The following UGT1A6 variants were observed in gnomAD, a reference collection of about 807,000 sequenced individuals.
UGT1A6 encodes the protein UDP glucuronosyltransferase family 1 member A6.
A neutral mutation model predicts 44.4 loss-of-function variants in UGT1A6; 32 were observed. That is an observed-to-expected ratio of 0.72 (90% CI 0.54 to 0.97). The LOEUF (loss-of-function observed/expected upper bound fraction) is 0.97. Ranked by LOEUF, UGT1A6 falls within the 50% of genes least tolerant of loss-of-function variation. The pLI is 0.00. For missense variants in UGT1A6, 685 were observed against 661.9 expected, an observed-to-expected ratio of 1.03 and a Z score of -0.38; for synonymous variants, 238 against 248.5, an observed-to-expected ratio of 0.96 and a Z score of 0.40.
chr2:233,760,123 C>T, intron 1 of UGT1A6: 1 of 1,299,838 alleles, frequency 7.7e-7, no homozygotes, highest in East Asian at 2.5e-5. Context: ...AATAAAGCTC[C>T]ACCTTCTTTA....
intron 3 of UGT1A6, 132 bp downstream of exon 3, chr2:233,768,068 A>C: frequency 6.3e-7 from 1 of 1,596,810 alleles, no homozygotes; most frequent in African/African-American, 1.3e-5. Flanking sequence ...CTTTTTATCT[A>C]GTGGGGTATC....
At chr2:233,712,639 C>T (rs184142486) in intron 1 of UGT1A6, among the ~76,000 whole-genome samples, 30 of 152,228 alleles carry the variant, frequency 2.0e-4, no homozygotes, top group Non-Finnish European at 2.4e-4. Flanking sequence ...TCAGCTGCAG[C>T]CTGATAAACG....
intron 1 of UGT1A6, chr2:233,713,679 C>T (rs756343791): frequency 6.2e-7 from 1 of 1,613,972 alleles, no homozygotes; most frequent in Non-Finnish European, 8.5e-7. Flanking sequence ...TGTTTCTGCT[C>T]CTTATGCAAG....
intron 1 of UGT1A6, among the ~76,000 whole-genome samples, chr2:233,762,398 T>G (rs969226920): frequency 6.6e-6 from 1 of 152,192 alleles, no homozygotes; most frequent in Non-Finnish European, 1.5e-5. Flanking sequence ...TATGTAAAAT[T>G]TTTTGGTTGC....
chr2:233,717,187 C>T (rs922401746), intron 1 of UGT1A6, among the ~76,000 whole-genome samples: 12 of 152,214 alleles, frequency 7.9e-5, no homozygotes, highest in Admixed American at 2.6e-4. Flanking sequence ...AGCACCCTCC[C>T]AGGCATGTTC....
chr2:233,725,175 TG>T (rs1374547834), intron 1 of UGT1A6, among the ~76,000 whole-genome samples: 1 of 81,962 alleles, frequency 1.2e-5, no homozygotes, highest in Non-Finnish European at 2.2e-5. Context: ...AGGGAGACCG[TG>T]GGGAGAGGCA....
chr2:233,760,816 T>C (rs72551342), intron 1 of UGT1A6: 3 of 1,613,644 alleles, frequency 1.9e-6, no homozygotes, highest in South Asian at 1.1e-5. Flanking sequence ...TGCACTGCCA[T>C]GCAGCCTGGA....
At chr2:233,719,149 A>T in intron 1 of UGT1A6, 1 of 1,614,268 alleles carries the variant, frequency 6.2e-7, no homozygotes, top group Non-Finnish European at 8.5e-7. Flanking sequence ...CTGAAGAGAT[A>T]TTCTAGAAGT....
At chr2:233,761,229 T>C in intron 1 of UGT1A6, 2 of 1,613,382 alleles carry the variant, frequency 1.2e-6, no homozygotes, top group Non-Finnish European at 1.7e-6. Flanking sequence ...TAGCCCCAGA[T>C]ATATGCTGAG....
intron 4 of UGT1A6, 105 bp downstream of exon 4, chr2:233,768,544 T>TA: frequency 7.0e-7 from 1 of 1,425,890 alleles, no homozygotes; most frequent in East Asian, 2.6e-5. Flanking sequence ...GTTTCAAATA[T>TA]AAAAACAAAT....
intron 1 of UGT1A6, among the ~76,000 whole-genome samples, chr2:233,759,538 A>C (rs1009544779): frequency 1.3e-5 from 2 of 152,036 alleles, no homozygotes; most frequent in Non-Finnish European, 2.9e-5. Context: ...TTCTGTTCAC[A>C]TGCGCTCCAG....
intron 1 of UGT1A6, 96 bp downstream of exon 1, chr2:233,693,961 T>A (rs2075191738): frequency 1.3e-6 from 2 of 1,580,192 alleles, no homozygotes; most frequent in South Asian, 2.4e-5. Flanking sequence ...CCTTGGAGGA[T>A]TTCCTGGAGA....
chr2:233,761,977 C>T (rs1011491640), intron 1 of UGT1A6, among the ~76,000 whole-genome samples: 8 of 152,204 alleles, frequency 5.3e-5, no homozygotes, highest in African/African-American at 1.9e-4. Context: ...ATATCACCTT[C>T]GGAGGTGACC....
chr2:233,705,135 TG>T (rs2075825979), intron 1 of UGT1A6, among the ~76,000 whole-genome samples: 2 of 98,450 alleles, frequency 2.0e-5, no homozygotes, highest in African/African-American at 1.2e-4. Context: ...AGACTTCGTC[TG>T]AAAAAAAAAA....
chr2:233,758,383 T>C (rs1384884444), intron 1 of UGT1A6, among the ~76,000 whole-genome samples: 2 of 152,192 alleles, frequency 1.3e-5, no homozygotes, highest in East Asian at 3.8e-4. Context: ...AGTGGTGACT[T>C]ATGTGTTTAT....
At chr2:233,742,882 C>A (rs1692122938) in intron 1 of UGT1A6, 1 of 164,914 alleles carries the variant, frequency 6.1e-6, no homozygotes, top group Non-Finnish European at 1.3e-5. Flanking sequence ...ACCTGGCTCA[C>A]ACTTTCCCAA....
chr2:233,718,673 G>T lies in UGT1A6; in HGVS notation c.861+24808G>T. 3 of 1,556,294 alleles carry T rather than the reference G, an allele frequency of 1.9e-6. No individual in the cohort carries two copies. The Admixed American group carries it at 5.7e-5, about 30-fold the overall frequency. ...ACGAAAGGCAGTTATAGATTAATGG[G>T]TAATAAGTAACTGGAGGAGGGCACT... On this transcript the variant is annotated intron_variant, in intron 1 of 4. Transcript: ENST00000305139.
chr2:233,716,533 C>T (rs1284629795), intron 1 of UGT1A6, among the ~76,000 whole-genome samples: 2 of 152,142 alleles, frequency 1.3e-5, no homozygotes, highest in South Asian at 2.1e-4. Flanking sequence ...TCAATTATCT[C>T]CTTTCTCTCC....
intron 1 of UGT1A6, among the ~76,000 whole-genome samples, chr2:233,762,341 A>C (rs1325926558): frequency 6.6e-6 from 1 of 152,206 alleles, no homozygotes; most frequent in Non-Finnish European, 1.5e-5. Flanking sequence ...AGCTCTTTTT[A>C]GTTCTTTGTA....
Sources: allele counts gnomAD v4.1 joint callset (sites outside exome capture counted in the v4.1 genomes callset), GRCh38; gene constraint gnomAD v4.1.1; transcripts MANE v1.5; gene names NCBI Gene and HGNC (gene_info 2026-07-23, HGNC 2026-07-21).